WBP2NL: variants seen among roughly 807,000 people sequenced by gnomAD.
The protein encoded by WBP2NL is postacrosomal sheath WW domain-binding protein.
WBP2NL carries 27 observed loss-of-function variants against 23.3 expected under a neutral mutation model. The observed-to-expected ratio is 1.16, with a 90% confidence interval of 0.85 to 1.60. The LOEUF is 1.60. Among genes scored for constraint, WBP2NL ranks in the 40% most tolerant of loss-of-function variants. The probability of loss-of-function intolerance (pLI) is 0.00; values close to 1 mark genes in which losing one functional copy is unlikely to be tolerated. For synonymous variants in WBP2NL, 151 were observed against 145.9 expected (o/e 1.03, Z -0.25); for missense variants, 370 against 389.5 (o/e 0.95, Z 0.42).
downstream of WBP2NL, among the ~76,000 whole-genome samples, chr22:42,036,421 G>A (rs781458553): frequency 1.3e-5 from 2 of 152,124 alleles, no homozygotes; most frequent in Non-Finnish European, 2.9e-5. Context: ...TGATCTCCCC[G>A]CCTCGGCCTC....
At chr22:42,045,392 T>C (rs1484892066) in intron 8 of WBP2NL, among the ~76,000 whole-genome samples, 1 of 152,028 alleles carries the variant, frequency 6.6e-6, no homozygotes, top group Non-Finnish European at 1.5e-5. Context: ...AGTGAGCCAC[T>C]GCACTCCAGC....
downstream of WBP2NL, among the ~76,000 whole-genome samples, chr22:42,028,657 A>G (rs1924716461): frequency 6.6e-6 from 1 of 152,216 alleles, no homozygotes; most frequent in African/African-American, 2.4e-5. Context: ...TTGTTCTCCA[A>G]AATGGTGAAC....
rs931977476 is a variant in WBP2NL at position 42,047,318 on chromosome 22, C to A, written c.*274-10972C>A. ...AAATCGGAGCAGAGAGAAACACTTGCTGACTCATTCTCTGAGACCAAAAAT... is the reference window on the plus strand; with the variant it reads ...AAATCGGAGCAGAGAGAAACACTTGATGACTCATTCTCTGAGACCAAAAAT... On this transcript the variant is annotated intron_variant and NMD_transcript_variant, in intron 8 of 8. Coordinates refer to the WBP2NL transcript ENST00000436265. Among the ~76,000 whole-genome samples the A allele has an allele frequency of 3.4e-5, 5 of 148,528 alleles. No individual in the cohort carries two copies. In the East Asian group the frequency reaches 9.9e-4, roughly 29 times the overall value.
intron 8 of WBP2NL, among the ~76,000 whole-genome samples, chr22:42,048,485 G>T (rs5758559): frequency 2.6e-5 from 4 of 151,874 alleles, no homozygotes; most frequent in South Asian, 2.1e-4. Flanking sequence ...GGCCGGGCAC[G>T]GTGGTTCATG....
chr22:42,038,539 A>G (rs1220494499), intron 8 of WBP2NL, among the ~76,000 whole-genome samples: 2 of 152,082 alleles, frequency 1.3e-5, no homozygotes, highest in East Asian at 3.8e-4. Flanking sequence ...AAGAAGGCCT[A>G]GTGTTCTTTG....
downstream of WBP2NL, among the ~76,000 whole-genome samples, chr22:42,035,887 A>C (rs1401443193): frequency 6.6e-6 from 1 of 152,186 alleles, no homozygotes; most frequent in Non-Finnish European, 1.5e-5. Flanking sequence ...TTTAGATTCT[A>C]CATAAAAGGG....
At chr22:42,020,864 G>GTGTGTATA (rs1377922863) in intron 4 of WBP2NL, among the ~76,000 whole-genome samples, 1 of 35,038 alleles carries the variant, frequency 2.9e-5, no homozygotes, top group Non-Finnish European at 4.4e-5. Context: ...GTGTGTGTGT[G>GTGTGTATA]TGTGTATATA....
chr22:42,009,967 C>T (rs2146767941), intron 1 of WBP2NL, among the ~76,000 whole-genome samples: 2 of 152,250 alleles, frequency 1.3e-5, no homozygotes, highest in South Asian at 4.1e-4. Context: ...TTATTTATGT[C>T]TTCAATATTT....
chr22:42,003,477 T>A (rs566452651), intron 1 of WBP2NL: 1 of 152,320 alleles, frequency 6.6e-6, no homozygotes, highest in Non-Finnish European at 1.5e-5. Flanking sequence ...CAGTTTGTAA[T>A]TTATTCTGTC....
Position 42,022,232 on chromosome 22 carries a change from C to A in WBP2NL, c.407-17C>A. ...TTAATTAAAAGAGTTCCTATTTTGCCAAATTTGTCTTTCCAGCTGCCCGAG... is the reference window on the plus strand; with the variant it reads ...TTAATTAAAAGAGTTCCTATTTTGCAAAATTTGTCTTTCCAGCTGCCCGAG... On this transcript the variant is annotated splice_polypyrimidine_tract_variant and intron_variant, in intron 4 of 5. Transcript: ENST00000328823. 2 of 1,613,028 alleles carry A rather than the reference C, an allele frequency of 1.2e-6. No homozygotes were observed. Among genetic ancestry groups the A allele is most frequent in the South Asian group, 2.2e-5 (2 of 91,052 alleles).
intron 1 of WBP2NL, among the ~76,000 whole-genome samples, chr22:42,013,069 A>C (rs994194650): frequency 6.7e-6 from 1 of 150,250 alleles, no homozygotes. Flanking sequence ...GGCCTCCATG[A>C]TTTCAATAAG....
intron 8 of WBP2NL, among the ~76,000 whole-genome samples, chr22:42,051,927 C>T (rs928964050): frequency 1.6e-4 from 24 of 152,148 alleles, no homozygotes; most frequent in Non-Finnish European, 2.5e-4. Context: ...AATACATTAT[C>T]CCCATTATAG....
intron 1 of WBP2NL, among the ~76,000 whole-genome samples, chr22:42,009,215 A>C (rs1487302286): frequency 1.3e-5 from 2 of 152,190 alleles, no homozygotes; most frequent in African/African-American, 2.4e-5. Context: ...TCTAGATATT[A>C]AGCCCTTATC....
chr22:42,000,218 T>A (rs1921490789), intron 1 of WBP2NL, among the ~76,000 whole-genome samples: 1 of 152,228 alleles, frequency 6.6e-6, no homozygotes, highest in African/African-American at 2.4e-5. Flanking sequence ...GTCTTTCTTC[T>A]ATCTTTCCTT....
At chr22:42,043,039 A>AG (rs772890092) in intron 8 of WBP2NL, among the ~76,000 whole-genome samples, 9 of 147,408 alleles carry the variant, frequency 6.1e-5, no homozygotes, top group Non-Finnish European at 1.2e-4. Flanking sequence ...AAAAAAAAAA[A>AG]GGAGAAGAAG....
downstream of WBP2NL, among the ~76,000 whole-genome samples, chr22:42,037,516 G>A (rs1200745102): frequency 6.6e-6 from 1 of 151,714 alleles, no homozygotes; most frequent in Non-Finnish European, 1.5e-5. Context: ...GGATTGCATT[G>A]AATCTGTAGA....
intron 4 of WBP2NL, 101 bp from the exon 5 acceptor site, chr22:42,022,148 G>A (rs767136596): frequency 2.1e-6 from 2 of 957,234 alleles, no homozygotes; most frequent in Admixed American, 1.8e-5. Context: ...GGAAACACAT[G>A]TAAGGTGGTG....
At chr22:42,003,568 C>G (rs1921917631) in intron 1 of WBP2NL, 1 of 151,690 alleles carries the variant, frequency 6.6e-6, no homozygotes, top group Non-Finnish European at 1.5e-5. Flanking sequence ...CCGAATAAAG[C>G]AAGTTTGTAC....
rs948344326 is a variant in WBP2NL, at chr22:42,028,273, C to T, written c.*1092C>T. The T allele has an allele frequency of 3.6e-5, 14 of 393,640 alleles. No individual in the cohort carries two copies. Among genetic ancestry groups the T allele is most frequent in the Non-Finnish European group, 5.8e-5 (13 of 223,644 alleles). 24.4% of individuals were successfully genotyped at this position (393,640 alleles called of 1,614,324 possible). The stretch of plus-strand genomic sequence containing the variant: ...CATATACTATAGTGATTTTCAGCCT[C>T]ATCAGACTGAATGCCCCATTTTATA... On this transcript the variant is annotated 3_prime_UTR_variant, in exon 6 of 6. Transcript: ENST00000328823.
Sources: gnomAD v4.1 joint callset for allele counts (sites outside exome capture counted in the v4.1 genomes callset) on GRCh38, gnomAD v4.1.1 for gene constraint, MANE v1.5 for transcripts, NCBI Gene and HGNC (gene_info 2026-07-23, HGNC 2026-07-21) for gene names.